Variants in AKR1C8 observed in about 807,000 individuals in gnomAD.
AKR1C8 encodes the protein aldo-keto reductase family 1 member C-like protein 1.
chr10:5,121,277 G>C, the AKR1C8 span, among the ~76,000 whole-genome samples: 1 of 152,074 alleles, frequency 6.6e-6, no homozygotes, highest in Admixed American at 6.6e-5. Context: ...AGGGATGTTG[G>C]GTTCCCCAGA....
At chr10:5,158,443 G>A in the AKR1C8 span, among the ~76,000 whole-genome samples, 1 of 152,202 alleles carries the variant, frequency 6.6e-6, no homozygotes, top group East Asian at 1.9e-4. Flanking sequence ...TGACATTTAA[G>A]CTCAGTAGTG....
At chr10:5,119,027 C>T in the AKR1C8 span, among the ~76,000 whole-genome samples, 2 of 152,126 alleles carry the variant, frequency 1.3e-5, no homozygotes, top group Non-Finnish European at 2.9e-5. Flanking sequence ...AGAATGGTCT[C>T]CCAATAGGCA....
At chr10:5,123,435 C>A in the AKR1C8 span, 1 of 424,228 alleles carries the variant, frequency 2.4e-6, no homozygotes, top group South Asian at 4.3e-5. Flanking sequence ...GAGTTCTGGT[C>A]CACCCTGGAA....
chr10:5,150,757 A>C, the AKR1C8 span, among the ~76,000 whole-genome samples: 5 of 151,994 alleles, frequency 3.3e-5, no homozygotes, highest in Admixed American at 6.6e-5. Context: ...TAAAAAAAAA[A>C]CCTCTACTTC....
At chr10:5,127,495 A>T in the AKR1C8 span, among the ~76,000 whole-genome samples, 1 of 151,970 alleles carries the variant, frequency 6.6e-6, no homozygotes, top group African/African-American at 2.4e-5. Context: ...AAGCTGGGTG[A>T]ATCACTTGAG....
At chr10:5,176,416 C>T in the AKR1C8 span, among the ~76,000 whole-genome samples, 1 of 147,928 alleles carries the variant, frequency 6.8e-6, no homozygotes, top group Non-Finnish European at 1.5e-5. Flanking sequence ...TAGTGTGATG[C>T]CTCCAGCTTT....
At chr10:5,130,055 A>C in the AKR1C8 span, among the ~76,000 whole-genome samples, 2 of 152,024 alleles carry the variant, frequency 1.3e-5, no homozygotes, top group East Asian at 3.9e-4. Flanking sequence ...TCAGCATATC[A>C]AAAAGATAAT....
At chr10:5,175,677 G>A in the AKR1C8 span, among the ~76,000 whole-genome samples, 3 of 152,188 alleles carry the variant, frequency 2.0e-5, no homozygotes, top group Non-Finnish European at 2.9e-5. Context: ...TCTAACTGGT[G>A]TGAGATGGTA....
At chr10:5,157,301 A>G in the AKR1C8 span, among the ~76,000 whole-genome samples, 1 of 152,330 alleles carries the variant, frequency 6.6e-6, no homozygotes, top group African/African-American at 2.4e-5. Flanking sequence ...TAAAATACAA[A>G]TAGGCATTTA....
chr10:5,138,863 C>A, the AKR1C8 span, among the ~76,000 whole-genome samples: 1 of 152,080 alleles, frequency 6.6e-6, no homozygotes, highest in African/African-American at 2.4e-5. Context: ...AAGAGGAAGT[C>A]AAATTGTCCC....
At chr10:5,146,982 G>A in the AKR1C8 span, among the ~76,000 whole-genome samples, 1 of 152,162 alleles carries the variant, frequency 6.6e-6, no homozygotes, top group Non-Finnish European at 1.5e-5. Context: ...ACCCGAAGGT[G>A]AGTAATTTAT....
At chr10:5,160,352 G>A in the AKR1C8 span, among the ~76,000 whole-genome samples, 113 of 151,900 alleles carry the variant, frequency 7.4e-4, no homozygotes, top group African/African-American at 2.6e-3. Context: ...TTAGTAGAGG[G>A]TTTTCTGCTA....
chr10:5,134,480 C>A, the AKR1C8 span, among the ~76,000 whole-genome samples: 1 of 152,136 alleles, frequency 6.6e-6, no homozygotes, highest in Non-Finnish European at 1.5e-5. Flanking sequence ...GTCAGGGGAC[C>A]ATCCATACCA....
chr10:5,157,812 G>A, the AKR1C8 span: 27,402 of 468,176 alleles, frequency 0.059, 1,039 homozygotes, highest in Middle Eastern at 0.091. Flanking sequence ...TGTTGGGGAG[G>A]GAACAGACAC....
the AKR1C8 span, among the ~76,000 whole-genome samples, chr10:5,139,332 T>C: frequency 6.6e-6 from 1 of 152,144 alleles, no homozygotes; most frequent in African/African-American, 2.4e-5. Context: ...AAAAAGAGCC[T>C]GCATTGCCAA....
chr10:5,125,055 T>C, the AKR1C8 span, among the ~76,000 whole-genome samples: 1 of 150,572 alleles, frequency 6.6e-6, no homozygotes, highest in Non-Finnish European at 1.5e-5. Context: ...TTTTTTTTTG[T>C]TTTCACGATA....
chr10:5,129,068 T>C, the AKR1C8 span, among the ~76,000 whole-genome samples: 630 of 152,176 alleles, frequency 4.1e-3, 3 homozygotes, highest in Non-Finnish European at 7.3e-3. Context: ...AAATCCAAAT[T>C]ACATCAAGTA....
At chr10:5,177,194 T>C in the AKR1C8 span, among the ~76,000 whole-genome samples, 13 of 152,050 alleles carry the variant, frequency 8.5e-5, no homozygotes, top group African/African-American at 3.1e-4. Context: ...TGAAGGGCTG[T>C]TGAATTTTGT....
At chr10:5,183,257 C>G in the AKR1C8 span, among the ~76,000 whole-genome samples, 1 of 151,976 alleles carries the variant, frequency 6.6e-6, no homozygotes, top group African/African-American at 2.4e-5. Context: ...CAAATCCTAC[C>G]AGGTCATAGG....
Sources: allele counts gnomAD v4.1 joint callset (sites outside exome capture counted in the v4.1 genomes callset), GRCh38; gene constraint gnomAD v4.1.1; transcripts MANE v1.5; gene names NCBI Gene and HGNC (gene_info 2026-07-23, HGNC 2026-07-21).